FBN3: variants seen among roughly 807,000 people sequenced by gnomAD.
The protein encoded by FBN3 is fibrillin 3.
Under a neutral mutation model 330.1 loss-of-function variants are expected in FBN3, and 234 were observed. The ratio of observed to expected loss-of-function variants is 0.71; its 90% CI spans 0.64 to 0.79. The LOEUF (loss-of-function observed/expected upper bound fraction) is 0.79, where lower values mean the gene tolerates loss of function less well. Ranked by LOEUF, FBN3 falls within the 30% of genes least tolerant of loss-of-function variation. FBN3 has a pLI of 0.00. For synonymous variants in FBN3, 1,458 were observed against 1,517.3 expected (o/e 0.96, Z 0.91); for missense variants, 3,606 against 3,886.9 (o/e 0.93, Z 1.92).
chr19:8,115,288 A>C (rs1473358046), intron 30 of FBN3, among the ~76,000 whole-genome samples: 1 of 152,230 alleles, frequency 6.6e-6, no homozygotes, highest in African/African-American at 2.4e-5. Context: ...TTCACGTTTC[A>C]GAAATGCTGC....
intron 10 of FBN3, 126 bp downstream of exon 10, chr19:8,138,015 G>T: frequency 9.1e-7 from 1 of 1,094,634 alleles, no homozygotes; most frequent in Non-Finnish European, 1.3e-6. Flanking sequence ...CAGGCCAGGA[G>T]TTCCCCCTCC....
chr19:8,070,286 A>G (rs10424096), intron 63 of FBN3, among the ~76,000 whole-genome samples: 42,788 of 152,096 alleles, frequency 0.28, 9,686 homozygotes, highest in African/African-American at 0.61. Flanking sequence ...CTTATCATGT[A>G]TCATATTTGT....
At chr19:8,074,592 G>A (rs1272134425) in intron 61 of FBN3, among the ~76,000 whole-genome samples, 2 of 151,822 alleles carry the variant, frequency 1.3e-5, no homozygotes, top group Non-Finnish European at 2.9e-5. Context: ...CAGTGAAAGA[G>A]GCTGCTAGGA....
chr19:8,128,959 C>G lies in FBN3; in HGVS notation c.2296+69G>C, dbSNP rs1205294514. The G allele has an allele frequency of 4.5e-6, 7 of 1,546,934 alleles. No homozygotes were observed. The East Asian group carries it at 1.6e-4, about 35-fold the overall frequency. On this transcript the variant is annotated intron_variant, in intron 18 of 63. Transcript: ENST00000600128. Reference sequence around the variant, plus strand: ...GAGCGTGTGCATGCCTGTGCGTGCACACGCCACATGCCAAGTATGTTGGAG... The same window carrying G: ...GAGCGTGTGCATGCCTGTGCGTGCAGACGCCACATGCCAAGTATGTTGGAG...
chr19:8,083,052 C>T (rs532792146), intron 57 of FBN3, among the ~76,000 whole-genome samples, 195 bp downstream of exon 57: 6 of 152,126 alleles, frequency 3.9e-5, no homozygotes, highest in Non-Finnish European at 7.3e-5. Flanking sequence ...CCTCCCACCT[C>T]GACCTCCCAA....
rs118115502 is a variant in FBN3 at position 8,136,103 on chromosome 19, C to T, written c.1466-17G>A. ...CGTCCACATCTGCGGGGAAGGCAGG[C>T]GGGCAGTCAAGAGGTGCTCCCCACC... On this transcript the variant is annotated splice_polypyrimidine_tract_variant and intron_variant, in intron 12 of 63. Coordinates refer to ENST00000600128, the MANE Select transcript of FBN3 (RefSeq NM_032447.5). 9.6e-3 allele frequency: 15,455 copies of T among 1,613,048 alleles called. 351 individuals carry two copies. The highest frequency in any genetic ancestry group is 0.075 in the East Asian group (3,348 of 44,870).
At chr19:8,085,246 C>CACACACACAA (rs2081911309) in intron 56 of FBN3, 117 bp downstream of exon 56, 2 of 830,216 alleles carry the variant, frequency 2.4e-6, no homozygotes, top group South Asian at 3.2e-5. Flanking sequence ...CACACACACA[C>CACACACACAA]ACACACACAC....
Position 8,149,156 on chromosome 19 carries a change from G to A in FBN3, c.-18+293C>T, listed in dbSNP as rs1182275495. ...GGCGCCCCCGGAGCCCGCGGGGCGC[G>A]ATCTCCACCCGGCAGGGCCCCCGGC... On this transcript the variant is annotated intron_variant, in intron 1 of 63. Transcript: ENST00000600128. This position sits in a 1 kb window ranked among gnomAD's most constrained non-coding sequence, Gnocchi z 5.5. Among the ~76,000 whole-genome samples, 1 of 151,926 alleles carries A rather than the reference G, an allele frequency of 6.6e-6. No individual in the cohort carries two copies. Among genetic ancestry groups the A allele is most frequent in the Admixed American group, 6.6e-5 (1 of 15,256 alleles).
At chr19:8,111,627 C>CG in intron 32 of FBN3, 21 bp downstream of exon 32, 1 of 1,532,184 alleles carries the variant, frequency 6.5e-7, no homozygotes, top group Non-Finnish European at 8.9e-7. Context: ...GGCCCCTGCC[C>CG]TCCCACCCCT....
chr19:8,118,867 T>C, intron 26 of FBN3, 30 bp downstream of exon 26: 1 of 1,592,812 alleles, frequency 6.3e-7, no homozygotes, highest in Middle Eastern at 1.7e-4. Context: ...GGGCTAACAC[T>C]CACACTTGCA....
chr19:8,100,080 T>C (rs988539669), intron 41 of FBN3, among the ~76,000 whole-genome samples: 11 of 151,038 alleles, frequency 7.3e-5, no homozygotes, highest in African/African-American at 2.7e-4. Context: ...GAGGACATCA[T>C]GTTCAGTGAA....
intron 3 of FBN3, among the ~76,000 whole-genome samples, chr19:8,146,638 AG>A (rs2083553236): frequency 3.1e-5 from 2 of 63,652 alleles, no homozygotes; most frequent in South Asian, 8.3e-4. Context: ...AGAGAAACAG[AG>A]AGAGAGAGAA....
intron 18 of FBN3, 77 bp from the exon 19 acceptor site, chr19:8,126,909 G>A: frequency 2.0e-6 from 3 of 1,487,674 alleles, no homozygotes; most frequent in Non-Finnish European, 2.7e-6. Context: ...TCCTCCCCAA[G>A]GGGCCGCCGC....
intron 42 of FBN3, 97 bp downstream of exon 42, chr19:8,097,192 T>A: frequency 6.6e-7 from 1 of 1,505,240 alleles, no homozygotes; most frequent in South Asian, 1.3e-5. Flanking sequence ...TACAGGGAAA[T>A]GGAGGCTTAC....
At position 8,121,355 on chromosome 19, in the gene FBN3, G is replaced by A. The variant is rs1381329898; in HGVS notation, c.3114C>T (p.Leu1038=). The change falls in exon 25 of 64, where the codon CTC becomes CTT. Residue 1038 remains leucine (L), a synonymous_variant. Transcript: ENST00000600128. This position sits in a 1 kb window ranked among gnomAD's most constrained non-coding sequence, Gnocchi z 4.5. The part of the protein sequence containing the change: ...DIDECRISPD[L]CGQGTCVNTP... The stretch of plus-strand genomic sequence containing the variant: ...TGTTGACACAGGTGCCCTGGCCGCA[G>A]AGGTCAGGAGAGATGCGACACTCGT... 1.9e-6 allele frequency: 3 copies of A among 1,611,680 alleles called. No individual in the cohort carries two copies. In the Admixed American group the frequency reaches 5.0e-5, roughly 27 times the overall value.
Position 8,089,234 on chromosome 19 carries a change from T to C in FBN3, c.6376+311A>G, listed in dbSNP as rs527410566. On this transcript the variant is annotated intron_variant, in intron 51 of 63. Transcript: ENST00000600128. ...GTAAGTGAATGAATAAGGGAGTAAA[T>C]GAGTGAGTGAATGAGTGAATGAATG... Among the ~76,000 whole-genome samples, 9 of 152,030 alleles carry C rather than the reference T, an allele frequency of 5.9e-5. No individual in the cohort carries two copies. The South Asian group carries it at 1.9e-3, about 32-fold the overall frequency.
Position 8,131,479 on chromosome 19 carries a change from C to A in FBN3, c.1990+75G>T, listed in dbSNP as rs2083145116. On this transcript the variant is annotated intron_variant, in intron 15 of 63. Coordinates refer to ENST00000600128, the MANE Select transcript of FBN3 (RefSeq NM_032447.5). This position sits in a 1 kb window ranked among gnomAD's most constrained non-coding sequence, Gnocchi z 4.5. The stretch of plus-strand genomic sequence containing the variant: ...GCCCCCACTCCATGGCAGCCATGAC[C>A]CCCCACCAGAAGCGAGAACCGATGG... 1.3e-6 allele frequency: 2 copies of A among 1,536,572 alleles called. No individual in the cohort carries two copies. Among genetic ancestry groups the A allele is most frequent in the Non-Finnish European group, 1.8e-6 (2 of 1,132,526 alleles).
At chr19:8,075,952 C>T (rs1312179454) in intron 59 of FBN3, among the ~76,000 whole-genome samples, 2 of 152,128 alleles carry the variant, frequency 1.3e-5, no homozygotes, top group African/African-American at 4.8e-5. Context: ...AAGCCCTAAC[C>T]CCCAGTGGGC....
intron 5 of FBN3, 138 bp downstream of exon 5, chr19:8,145,705 C>G (rs947511839): frequency 4.2e-6 from 2 of 477,966 alleles, no homozygotes; most frequent in Non-Finnish European, 7.5e-6. Flanking sequence ...AAAAAAGAGA[C>G]TGTGGCAATA....
Sources: gnomAD v4.1 joint callset for allele counts (sites outside exome capture counted in the v4.1 genomes callset) on GRCh38, gnomAD v4.1.1 for gene constraint, Gnocchi (gnomAD v3.1) non-coding constraint, MANE v1.5 for transcripts, NCBI Gene and HGNC (gene_info 2026-07-23, HGNC 2026-07-21) for gene names.